HOPX: variants seen among roughly 807,000 people sequenced by gnomAD.
The protein encoded by HOPX is homeodomain-only protein.
In HOPX, 5 loss-of-function variants were observed where a neutral mutation model predicts 11.8. The observed-to-expected ratio is 0.43, with a 90% CI of 0.22 to 0.89. The LOEUF is 0.89. HOPX is among the 40% of genes least tolerant of loss of function. HOPX has a pLI of 0.28. For missense variants in HOPX, 119 were observed against 120.0 expected (o/e 0.99, Z 0.04); for synonymous variants, 49 against 49.7 (o/e 0.99, Z 0.06).
At chr4:56,675,244 G>A (rs1718948618) in intron 1 of HOPX, among the ~76,000 whole-genome samples, 1 of 151,590 alleles carries the variant, frequency 6.6e-6, no homozygotes, top group Non-Finnish European at 1.5e-5. Context: ...ACTTGGCACA[G>A]AGGTCAGAAT....
chr4:56,666,520 T>G (rs1269564089), intron 1 of HOPX, among the ~76,000 whole-genome samples: 1 of 152,214 alleles, frequency 6.6e-6, no homozygotes, highest in Admixed American at 6.5e-5. Context: ...TAGTCAACCC[T>G]GGACATAAAA....
At chr4:56,675,715 A>G (rs1236694268) in intron 1 of HOPX, among the ~76,000 whole-genome samples, 1 of 151,764 alleles carries the variant, frequency 6.6e-6, no homozygotes, top group Non-Finnish European at 1.5e-5. Flanking sequence ...TTGCCCAGGA[A>G]GACAGCAGAT....
chr4:56,681,459 T>C, upstream of HOPX: 1 of 991,546 alleles, frequency 1.0e-6, no homozygotes, highest in African/African-American at 1.7e-5. Flanking sequence ...GTTACGTCTC[T>C]CCTGGTTATT....
chr4:56,650,394 C>A, intron 3 of HOPX: 1 of 324,000 alleles, frequency 3.1e-6, no homozygotes, highest in Admixed American at 4.5e-5. Flanking sequence ...TGGCTTGATG[C>A]CTATACAGAT....
rs114230138 is a variant in HOPX at position 56,669,038 on chromosome 4, C to T, written c.-83-11139G>A. 2.6e-3 allele frequency among the ~76,000 whole-genome samples: 389 copies of T among 152,282 alleles called. 1 individual carries two copies. The highest frequency in any genetic ancestry group is 0.01 in the Middle Eastern group (3 of 294). On this transcript the variant is annotated intron_variant, in intron 1 of 3. Transcript: ENST00000420433. ...AGTGTAAAACGGCATATGCATTTCCCGAAGTGTTATACTTATTTCTTAATC... is the reference window on the plus strand; with the variant it reads ...AGTGTAAAACGGCATATGCATTTCCTGAAGTGTTATACTTATTTCTTAATC...
At chr4:56,674,804 G>T (rs1347830844) in intron 1 of HOPX, among the ~76,000 whole-genome samples, 1 of 151,012 alleles carries the variant, frequency 6.6e-6, no homozygotes, top group Admixed American at 6.6e-5. Flanking sequence ...GAGTACAGTG[G>T]CATCGTGATC....
chr4:56,655,246 G>C (rs4324603), intron 3 of HOPX, among the ~76,000 whole-genome samples: 74,825 of 151,998 alleles, frequency 0.49, 19,302 homozygotes, highest in African/African-American at 0.64. Flanking sequence ...CCAAATCTCC[G>C]TGGCTTCGTG....
chr4:56,680,186 G>A (rs532457898), intron 1 of HOPX: 2 of 152,246 alleles, frequency 1.3e-5, no homozygotes, highest in Admixed American at 1.3e-4. Flanking sequence ...TAGGAGTCCA[G>A]AAAGTGAGAG....
intron 2 of HOPX, chr4:56,656,218 C>G: frequency 8.8e-7 from 1 of 1,132,302 alleles, no homozygotes; most frequent in African/African-American, 1.6e-5. Flanking sequence ...CTGGACTGAG[C>G]GCTGTTGCGG....
chr4:56,657,975 G>A lies in HOPX; in HGVS notation c.-83-76C>T. On this transcript the variant is annotated intron_variant, in intron 1 of 3. Transcript: ENST00000420433. ...TTGCCATTTTGAATGGGCATAGACT[G>A]TCCTAGTAGGACACCAATTCTAGCC... 4 of 1,334,804 alleles carry A rather than the reference G, an allele frequency of 3.0e-6. No homozygotes were observed. The South Asian group carries it at 4.4e-5, about 15-fold the overall frequency. 82.7% of individuals were successfully genotyped at this position (1,334,804 alleles called of 1,614,324 possible). A position where few individuals can be genotyped will look rare whatever the true frequency, so the allele number is the denominator to read the frequency against.
intron 1 of HOPX, among the ~76,000 whole-genome samples, chr4:56,670,040 G>A (rs59448677): frequency 0.2 from 30,290 of 152,116 alleles, 3,728 homozygotes; most frequent in African/African-American, 0.36. Context: ...GAATATGTAG[G>A]ATAGGAATCT....
intron 1 of HOPX, chr4:56,663,305 A>T (rs777919487): frequency 9.9e-5 from 15 of 152,150 alleles, no homozygotes; most frequent in Non-Finnish European, 1.3e-4. Context: ...ACTTGAATTC[A>T]TGCCATTCCC....
intron 1 of HOPX, chr4:56,662,823 A>G (rs1332449119): frequency 6.6e-6 from 1 of 152,172 alleles, no homozygotes; most frequent in Non-Finnish European, 1.5e-5. Flanking sequence ...AGGTTCTAAG[A>G]TATCACCAAA....
In HOPX at chr4:56,678,438, ATTT is replaced by A. The variant is rs57921708; in HGVS notation, c.-84+2814_-84+2816del. The stretch of plus-strand genomic sequence containing the variant: ...GGTCCAGGGTGGGGCCTAGTCACTG[ATTT>A]TTTTTTTTTTTTTTTTTTTTTTGAG... On this transcript the variant is annotated intron_variant, in intron 1 of 3. Coordinates refer to ENST00000420433, the MANE Select transcript of HOPX (RefSeq NM_032495.6). Among the ~76,000 whole-genome samples, 120 of 100,268 alleles carry A rather than the reference ATTT, an allele frequency of 1.2e-3. No homozygotes were observed. In the East Asian group the frequency reaches 0.019, roughly 16 times the overall value. The allele number at this position is 100,268 out of a possible 152,430, so 65.8% of individuals were successfully genotyped here. A position where few individuals can be genotyped will look rare whatever the true frequency, so the allele number is the denominator to read the frequency against.
intron 2 of HOPX, chr4:56,656,502 CG>C: frequency 1.0e-6 from 1 of 985,556 alleles, no homozygotes; most frequent in Non-Finnish European, 1.2e-6. Flanking sequence ...CCGGCCTCCC[CG>C]GTAGGCGGCC....
chr4:56,671,334 G>A (rs1718723191), intron 1 of HOPX, among the ~76,000 whole-genome samples: 1 of 152,030 alleles, frequency 6.6e-6, no homozygotes, highest in South Asian at 2.1e-4. Flanking sequence ...ACTGTCTACT[G>A]CAAGCAGACA....
chr4:56,658,005 T>C (rs1156288961), intron 1 of HOPX, 106 bp from the exon 2 acceptor site: 5 of 1,059,528 alleles, frequency 4.7e-6, no homozygotes, highest in East Asian at 5.3e-5. Context: ...CTAGCCAAAG[T>C]TGCCCACGGG....
At chr4:56,669,624 A>G (rs930377121) in intron 1 of HOPX, among the ~76,000 whole-genome samples, 1 of 151,712 alleles carries the variant, frequency 6.6e-6, no homozygotes, top group South Asian at 2.1e-4. Context: ...ACACCACTGC[A>G]CTCCAACCCG....
At chr4:56,665,748 A>T (rs1040479277) in intron 1 of HOPX, 1 of 152,166 alleles carries the variant, frequency 6.6e-6, no homozygotes, top group African/African-American at 2.4e-5. Context: ...TTTTCATTTT[A>T]TATATGTAGA....
Sources: allele counts gnomAD v4.1 joint callset (sites outside exome capture counted in the v4.1 genomes callset), GRCh38; gene constraint gnomAD v4.1.1; transcripts MANE v1.5; gene names NCBI Gene and HGNC (gene_info 2026-07-23, HGNC 2026-07-21).